The following RSAD2 variants were observed in gnomAD, a reference collection of about 807,000 sequenced individuals.
RSAD2 encodes the protein S-adenosylmethionine-dependent nucleotide dehydratase RSAD2.
RSAD2 carries 38 observed loss-of-function variants against 37.7 expected under a neutral mutation model. That is an observed-to-expected ratio of 1.01 (90% CI 0.78 to 1.32). RSAD2 has a LOEUF of 1.32. RSAD2 is among the 40% of genes most tolerant of loss of function. The pLI is 0.00. For missense variants in RSAD2, 428 were observed against 437.5 expected (o/e 0.98, Z 0.19); for synonymous variants, 163 against 157.4 (o/e 1.04, Z -0.27).
upstream of RSAD2, among the ~76,000 whole-genome samples, chr2:6,874,658 AC>A (rs1267464528): frequency 6.8e-6 from 1 of 146,644 alleles, no homozygotes; most frequent in Non-Finnish European, 1.5e-5. Context: ...TAACTTTATG[AC>A]TTTTATTTAA....
chr2:6,893,625 G>A (rs763292600), intron 4 of RSAD2, 46 bp from the exon 5 acceptor site: 1 of 1,506,746 alleles, frequency 6.6e-7, no homozygotes, highest in Non-Finnish European at 9.2e-7. Context: ...CTCACATACT[G>A]AGAAATGCAC....
At chr2:6,887,683 G>C (rs756169698) in intron 3 of RSAD2, among the ~76,000 whole-genome samples, 3 of 152,172 alleles carry the variant, frequency 2.0e-5, no homozygotes, top group Non-Finnish European at 4.4e-5. Flanking sequence ...CACATATGCA[G>C]CTCCCACTCT....
intron 2 of RSAD2, among the ~76,000 whole-genome samples, chr2:6,884,449 A>G (rs559991430): frequency 2.1e-4 from 32 of 152,314 alleles, no homozygotes; most frequent in African/African-American, 7.2e-4. Flanking sequence ...CTGAGGTTCA[A>G]AAGTGAACTT....
chr2:6,879,852 C>T (rs992547814), intron 1 of RSAD2, among the ~76,000 whole-genome samples: 7 of 152,072 alleles, frequency 4.6e-5, no homozygotes, highest in Admixed American at 1.3e-4. Flanking sequence ...AGGGAAATTA[C>T]GACTTTCATT....
At chr2:6,889,441 C>G (rs907712259) in intron 3 of RSAD2, among the ~76,000 whole-genome samples, 3 of 152,214 alleles carry the variant, frequency 2.0e-5, no homozygotes, top group African/African-American at 7.2e-5. Flanking sequence ...TTCTTCTCAT[C>G]TGACTATAGT....
intron 1 of RSAD2, among the ~76,000 whole-genome samples, chr2:6,870,234 G>T (rs1663180650): frequency 6.6e-6 from 1 of 152,146 alleles, no homozygotes; most frequent in Admixed American, 6.5e-5. Context: ...CATTTATAGT[G>T]TCAGAAGCGG....
At chr2:6,869,123 G>A (rs566310003) in intron 1 of RSAD2, among the ~76,000 whole-genome samples, 24 of 152,288 alleles carry the variant, frequency 1.6e-4, no homozygotes, top group African/African-American at 2.6e-4. Context: ...TTTCAAACAC[G>A]TCCTGGTAGT....
chr2:6,878,777 G>C (rs1663340399), intron 1 of RSAD2: 1 of 1,156,016 alleles, frequency 8.7e-7, no homozygotes, highest in Non-Finnish European at 1.1e-6. Context: ...TTCCACTCCA[G>C]ATCTGTTCTG....
In RSAD2 at chr2:6,877,842, G is replaced by A; in HGVS notation, c.42G>A (p.Leu14=). 6.2e-7 allele frequency: 1 copy of A among 1,614,064 alleles called. No homozygotes were observed. Residue 14 remains leucine (L), a synonymous_variant, in exon 1 of 6, where the codon TTG becomes TTA. Coordinates refer to ENST00000382040, the MANE Select transcript of RSAD2 (RefSeq NM_080657.5). ...LTPAAFAGKL[L]SVFRQPLSSL... is the part of the protein sequence containing the mutation. ...CTGCTGCTTTTGCTGGGAAGCTCTTGAGTGTGTTCAGGCAACCTCTGAGCT... is the reference window on the plus strand; with the variant it reads ...CTGCTGCTTTTGCTGGGAAGCTCTTAAGTGTGTTCAGGCAACCTCTGAGCT...
At chr2:6,895,677 A>C in intron 5 of RSAD2, 101 bp from the exon 6 acceptor site, 8 of 1,082,074 alleles carry the variant, frequency 7.4e-6, no homozygotes, top group Non-Finnish European at 1.1e-5. Flanking sequence ...ACCTGTCGAC[A>C]TGACTGGAAT....
intron 5 of RSAD2, 131 bp downstream of exon 5, chr2:6,893,834 A>C (rs972549286): frequency 1.5e-6 from 1 of 648,570 alleles, no homozygotes; most frequent in African/African-American, 1.8e-5. Context: ...ACAGTTTGAT[A>C]GTCAGTGATT....
chr2:6,890,403 G>T, intron 4 of RSAD2, 78 bp downstream of exon 4: 1 of 1,468,978 alleles, frequency 6.8e-7, no homozygotes, highest in Non-Finnish European at 9.4e-7. Flanking sequence ...CTCAGCCAAG[G>T]ACCCCACACA....
chr2:6,883,419 G>A lies in RSAD2; in HGVS notation c.395G>A (p.Arg132Gln), dbSNP rs566158632. ...FSGGEPFLQD[R>Q]GEYLGKLVRF... ...GGTGGAGAGCCATTTCTTCAAGACC[G>A]GGGAGAATACCTGGGCAAGTTGGTG... Residue 132 changes from arginine to glutamine, a missense_variant, in exon 2 of 6, where the codon CGG becomes CAG. By Grantham distance (43) the Arg-to-Gln change is conservative. Coordinates refer to ENST00000382040, the MANE Select transcript of RSAD2 (RefSeq NM_080657.5). 19 of 1,614,160 alleles carry A rather than the reference G, an allele frequency of 1.2e-5. No individual in the cohort carries two copies. Among genetic ancestry groups the A allele is most frequent in the Admixed American group, 3.3e-5 (2 of 60,034 alleles).
At chr2:6,873,742 C>T (rs1206222220), upstream of RSAD2, among the ~76,000 whole-genome samples, 1 of 152,132 alleles carries the variant, frequency 6.6e-6, no homozygotes, top group African/African-American at 2.4e-5. Flanking sequence ...TCCTCAATAT[C>T]AAAACCCTAA....
chr2:6,877,883 T>G lies in RSAD2; in HGVS notation c.83T>G (p.Leu28Arg). 1.2e-6 allele frequency: 2 copies of G among 1,614,136 alleles called. No individual in the cohort carries two copies. The highest frequency in any genetic ancestry group is 2.2e-5 in the South Asian group (2 of 91,066). The change falls in exon 1 of 6, where the codon CTG becomes CGG. Residue 28 changes from leucine to arginine, a missense_variant. Coordinates refer to ENST00000382040, the MANE Select transcript of RSAD2 (RefSeq NM_080657.5). Reference protein sequence around the residue: ...RQPLSSLWRSLVPLFCWLRAT... With the variant: ...RQPLSSLWRSRVPLFCWLRAT... ...CCTCTGAGCTCTCTGTGGAGGAGCC[T>G]GGTCCCGCTGTTCTGCTGGCTGAGG...
chr2:6,888,873 G>A (rs1003097683), intron 3 of RSAD2, among the ~76,000 whole-genome samples: 2 of 152,220 alleles, frequency 1.3e-5, no homozygotes, highest in African/African-American at 4.8e-5. Flanking sequence ...CTCCTCCACT[G>A]TGAGGCTGTG....
At chr2:6,877,735 T>G, upstream of RSAD2, 1 of 1,265,470 alleles carries the variant, frequency 7.9e-7, no homozygotes, top group Non-Finnish European at 1.1e-6. Flanking sequence ...AGACTGCTGA[T>G]TTCCATCCCT....
chr2:6,895,576 C>T (rs948954637), intron 5 of RSAD2, among the ~76,000 whole-genome samples: 4 of 152,248 alleles, frequency 2.6e-5, no homozygotes, highest in Admixed American at 6.5e-5. Flanking sequence ...GTCTACTGTA[C>T]TTAGCCCAGC....
chr2:6,886,547 G>T (rs902648609), intron 2 of RSAD2, among the ~76,000 whole-genome samples: 8 of 152,116 alleles, frequency 5.3e-5, no homozygotes, highest in African/African-American at 1.9e-4. Flanking sequence ...TCTGTGTGAT[G>T]GAAAGAAAAA....
Sources: allele counts gnomAD v4.1 joint callset (sites outside exome capture counted in the v4.1 genomes callset), GRCh38; gene constraint gnomAD v4.1.1; transcripts MANE v1.5; gene names NCBI Gene and HGNC (gene_info 2026-07-23, HGNC 2026-07-21).